ASB5: variants seen among roughly 807,000 people sequenced by gnomAD.
ASB5 encodes the protein ankyrin repeat and SOCS box containing 5.
In ASB5, 45 loss-of-function variants were observed where a neutral mutation model predicts 42.1. The observed-to-expected ratio is 1.07, with a 90% CI of 0.84 to 1.37. The LOEUF is 1.37. Among genes scored for constraint, ASB5 ranks in the 40% most tolerant of loss-of-function variants. ASB5 has a pLI of 0.00. For missense variants in ASB5, 402 were observed against 399.8 expected, an observed-to-expected ratio of 1.01 and a Z score of -0.05; for synonymous variants, 147 against 150.6, an observed-to-expected ratio of 0.98 and a Z score of 0.18.
intron 1 of ASB5, among the ~76,000 whole-genome samples, chr4:176,261,463 A>G (rs530138274): frequency 6.6e-6 from 1 of 152,320 alleles, no homozygotes; most frequent in Admixed American, 6.5e-5. Flanking sequence ...TTTTCCCATT[A>G]GCATCAACCA....
chr4:176,263,874 C>T (rs1754309068), intron 1 of ASB5, among the ~76,000 whole-genome samples: 2 of 152,036 alleles, frequency 1.3e-5, no homozygotes, highest in Non-Finnish European at 2.9e-5. Context: ...GCTTTTAAAC[C>T]TAGGATGGAG....
chr4:176,241,358 A>G (rs1561260928), intron 1 of ASB5: 2 of 902,102 alleles, frequency 2.2e-6, no homozygotes. Flanking sequence ...CCATCCTTAG[A>G]AAAAAAATGA....
chr4:176,230,874 C>A (rs1046792245), intron 1 of ASB5, among the ~76,000 whole-genome samples: 6 of 152,036 alleles, frequency 3.9e-5, no homozygotes, highest in Non-Finnish European at 7.4e-5. Context: ...GCAATGCAAC[C>A]CTTACTTTAA....
At position 176,222,404 on chromosome 4, in the gene ASB5, G is replaced by A. The variant is rs1356865943; in HGVS notation, c.293C>T (p.Ala98Val). Residue 98 changes from alanine to valine, a missense_variant, in exon 3 of 7, where the codon GCA (alanine) becomes GTA (valine). Transcript: ENST00000296525. ...TGGGGTGACATGGTCTAAGGTTACT[G>A]CATTTACATTATAACCCTAAATGTG... The part of the protein sequence containing the change: ...TLLSQGYNVN[A>V]VTLDHVTPLH... 6.2e-7 allele frequency: 1 copy of A among 1,612,952 alleles called. No homozygotes were observed. Among genetic ancestry groups the A allele is most frequent in the Admixed American group, 1.7e-5 (1 of 59,806 alleles).
intron 1 of ASB5, among the ~76,000 whole-genome samples, chr4:176,228,747 T>A (rs1042731284): frequency 1.3e-5 from 2 of 152,206 alleles, no homozygotes; most frequent in Non-Finnish European, 2.9e-5. Context: ...TATAGGAAAT[T>A]GGAACATTGT....
At chr4:176,260,981 C>G (rs1304199934) in intron 1 of ASB5, among the ~76,000 whole-genome samples, 1 of 152,068 alleles carries the variant, frequency 6.6e-6, no homozygotes, top group East Asian at 1.9e-4. Context: ...GCAAGAAATG[C>G]GAAAAGTTCT....
At chr4:176,235,993 G>A (rs929512524) in intron 1 of ASB5, among the ~76,000 whole-genome samples, 3 of 151,854 alleles carry the variant, frequency 2.0e-5, no homozygotes, top group Admixed American at 1.3e-4. Context: ...GGAATAACAG[G>A]TATGTGCCAC....
At chr4:176,222,802 G>T (rs1753258106) in intron 2 of ASB5, among the ~76,000 whole-genome samples, 1 of 152,080 alleles carries the variant, frequency 6.6e-6, no homozygotes, top group African/African-American at 2.4e-5. Flanking sequence ...TTTTGAGATG[G>T]AGCCTCACTC....
At chr4:176,249,831 C>T (rs1013740220) in intron 1 of ASB5, among the ~76,000 whole-genome samples, 7 of 151,762 alleles carry the variant, frequency 4.6e-5, no homozygotes, top group South Asian at 2.1e-4. Context: ...TTTGGGAGGC[C>T]GAGGCGGGTG....
At chr4:176,267,017 T>C (rs1380218691) in intron 1 of ASB5, among the ~76,000 whole-genome samples, 2 of 152,156 alleles carry the variant, frequency 1.3e-5, no homozygotes, top group Non-Finnish European at 2.9e-5. Flanking sequence ...AAAAGGAGCT[T>C]CCATGGCCTC....
rs532333417 is a variant in ASB5 at position 176,275,621 on chromosome 4, G to A, written c.-90+175C>T. Among the ~76,000 whole-genome samples, 3 of 152,268 alleles carry A rather than the reference G, an allele frequency of 2.0e-5. No individual in the cohort carries two copies. The South Asian group carries it at 6.2e-4, about 32-fold the overall frequency. ...GATCCCATAGAATATGAGCAAAGGG[G>A]AGCCTCAGCACATGTCTGCTGGGGC... is the stretch of plus-strand genomic sequence containing the variant. On this transcript the variant is annotated intron_variant, in intron 2 of 2. Coordinates refer to the ASB5 transcript ENST00000505299.
intron 1 of ASB5, among the ~76,000 whole-genome samples, chr4:176,247,111 G>T (rs1212015807): frequency 6.6e-6 from 1 of 152,048 alleles, no homozygotes; most frequent in Non-Finnish European, 1.5e-5. Flanking sequence ...AAAACAATTT[G>T]TTACCTATGA....
intron 5 of ASB5, 77 bp downstream of exon 5, chr4:176,221,078 T>C: frequency 1.4e-6 from 2 of 1,425,156 alleles, no homozygotes; most frequent in Non-Finnish European, 1.9e-6. Flanking sequence ...GATCTAATTT[T>C]TAAAGATGCT....
In ASB5 at chr4:176,221,559, G is replaced by C. The variant is rs147166381; in HGVS notation, c.426C>G (p.Asn142Lys). ...ITIDGVTPLFNACSQGSPSCA... is the reference protein window; with the variant it reads ...ITIDGVTPLFKACSQGSPSCA... ...AGCTTGGACTGCCTTGGGAGCATGCGTTGAATAACGGAGTCACGCCATCTA... is the reference window on the plus strand; with the variant it reads ...AGCTTGGACTGCCTTGGGAGCATGCCTTGAATAACGGAGTCACGCCATCTA... The change falls in exon 4 of 7, where the codon AAC becomes AAG. Residue 142 changes from asparagine (N) to lysine (K), a missense_variant. By Grantham distance (94) the Asn-to-Lys change is moderately conservative (BLOSUM62 0). Coordinates refer to ENST00000296525, the MANE Select transcript of ASB5 (RefSeq NM_080874.4). 33 of 1,613,644 alleles carry C rather than the reference G, an allele frequency of 2.0e-5. No individual in the cohort carries two copies. In the African/African-American group the frequency reaches 4.1e-4, roughly 20 times the overall value.
intron 1 of ASB5, among the ~76,000 whole-genome samples, chr4:176,258,473 T>C (rs1754198228): frequency 6.6e-6 from 1 of 152,188 alleles, no homozygotes; most frequent in African/African-American, 2.4e-5. Flanking sequence ...CTGCATGCCA[T>C]TGAGAGTTAT....
intron 1 of ASB5, among the ~76,000 whole-genome samples, chr4:176,239,100 A>G (rs987339344): frequency 8.5e-5 from 13 of 152,164 alleles, no homozygotes; most frequent in African/African-American, 2.7e-4. Flanking sequence ...AGCTTGGCCC[A>G]GGCTATTTGT....
intron 1 of ASB5, among the ~76,000 whole-genome samples, chr4:176,243,523 A>G (rs1193226728): frequency 6.6e-6 from 1 of 151,524 alleles, no homozygotes; most frequent in Non-Finnish European, 1.5e-5. Context: ...ATTTTTTTGG[A>G]GACAGGTCTT....
At chr4:176,233,677 C>T (rs570520576) in intron 1 of ASB5, among the ~76,000 whole-genome samples, 3 of 152,096 alleles carry the variant, frequency 2.0e-5, no homozygotes, top group African/African-American at 7.2e-5. Context: ...AGTTTCTTTT[C>T]CCACCTTGAG....
upstream of ASB5, among the ~76,000 whole-genome samples, chr4:176,271,126 A>G (rs1175683145): frequency 6.6e-6 from 1 of 152,206 alleles, no homozygotes; most frequent in Non-Finnish European, 1.5e-5. Flanking sequence ...TATAATATTT[A>G]GGATTTTATG....
Sources: gnomAD v4.1 joint callset for allele counts (sites outside exome capture counted in the v4.1 genomes callset) on GRCh38, gnomAD v4.1.1 for gene constraint, MANE v1.5 for transcripts, NCBI Gene and HGNC (gene_info 2026-07-23, HGNC 2026-07-21) for gene names.